The following TYK2 variants were observed in gnomAD, a reference collection of about 807,000 sequenced individuals.
TYK2 encodes the protein non-receptor tyrosine-protein kinase TYK2.
TYK2 carries 65 observed loss-of-function variants against 130.9 expected under a neutral mutation model. The ratio of observed to expected loss-of-function variants is 0.50; its 90% confidence interval spans 0.41 to 0.61. The LOEUF is 0.61. Among genes scored for constraint, TYK2 ranks in the 20% least tolerant of loss-of-function variants. TYK2 has a pLI of 0.00. For synonymous variants in TYK2, 647 were observed against 658.9 expected (o/e 0.98, Z 0.28); for missense variants, 1,378 against 1,610.7 (o/e 0.86, Z 2.47).
rs1437207948 is a variant in TYK2, at chr19:10,350,713, G to A, written c.*121C>T. 2 of 1,231,798 alleles carry A rather than the reference G, an allele frequency of 1.6e-6. No homozygotes were observed. Among genetic ancestry groups the A allele is most frequent in the Admixed American group, 2.1e-5 (1 of 47,082 alleles). 76.3% of individuals were successfully genotyped at this position (1,231,798 alleles called of 1,614,324 possible). On this transcript the variant is annotated 3_prime_UTR_variant, in exon 25 of 25. Coordinates refer to ENST00000525621, the MANE Select transcript of TYK2 (RefSeq NM_003331.5). ...AGGTGGGGTCTCTAGACAGGAGTAA[G>A]GCACACGGTGTGGGTGAGGCTGACA... is the stretch of plus-strand genomic sequence containing the variant.
intron 5 of TYK2, among the ~76,000 whole-genome samples, chr19:10,367,044 C>CA (rs780433495): frequency 0.057 from 7,021 of 122,910 alleles, 213 homozygotes; most frequent in Non-Finnish European, 0.084. Context: ...AACTCTGTCT[C>CA]AAAAAAAAAA....
Position 10,364,679 on chromosome 19 carries a change from C to T in TYK2, c.1302G>A (p.Leu434=). The T allele has an allele frequency of 3.7e-6, 6 of 1,613,968 alleles. No homozygotes were observed. Among genetic ancestry groups the T allele is most frequent in the East Asian group, 2.2e-5 (1 of 44,886 alleles). Residue 434 remains leucine (L), a synonymous_variant, in exon 9 of 25, where the codon CTG becomes CTA. Coordinates refer to ENST00000525621, the MANE Select transcript of TYK2 (RefSeq NM_003331.5). The surrounding 1 kb of genome is among the most constrained non-coding windows in gnomAD (Gnocchi z 4.9). ...GCCGTGGGGGAGCCACCTCGTGGCA[C>T]AGGTAGTGGCTGGAGTCGGCCGTCA... is the stretch of plus-strand genomic sequence containing the variant. ...FRLTADSSHY[L]CHEVAPPRLV...
intron 18 of TYK2, among the ~76,000 whole-genome samples, chr19:10,355,232 C>T (rs1441860465): frequency 6.6e-6 from 1 of 151,556 alleles, no homozygotes; most frequent in Non-Finnish European, 1.5e-5. Context: ...TCTCAGGCTG[C>T]AGTGAGCCAT....
intron 14 of TYK2, among the ~76,000 whole-genome samples, chr19:10,359,762 A>T (rs1389265868): frequency 1.3e-5 from 2 of 150,400 alleles, no homozygotes; most frequent in Non-Finnish European, 3.0e-5. Flanking sequence ...GGCGGATCAC[A>T]AGTTCAGGAG....
At chr19:10,356,527 G>A (rs370413463) in intron 18 of TYK2, 41 bp downstream of exon 18, 71 of 1,609,724 alleles carry the variant, frequency 4.4e-5, no homozygotes, top group East Asian at 6.7e-5. Context: ...TCCCAGCCCC[G>A]TCCCACTTCC....
intron 17 of TYK2, 161 bp downstream of exon 17, chr19:10,357,603 G>T: frequency 1.0e-6 from 1 of 959,160 alleles, no homozygotes. Flanking sequence ...AAAAAGGCTG[G>T]GACTACATTG....
In TYK2 at chr19:10,365,622, GT is replaced by G; in HGVS notation, c.905del (p.Asp302AlafsTer17). On this transcript the variant is annotated frameshift_variant, in exon 7 of 25. Coordinates refer to ENST00000525621, the MANE Select transcript of TYK2 (RefSeq NM_003331.5). LOFTEE classifies it high-confidence loss of function. ...GCCCAGCAGCAGACTCAGGGCCAGG[GT>G]CTGTAGGGGCCACCCCACTGTCCCG... ...YIRDSGVAPT[D>X]PGPESAAGPP... 15 of 1,613,984 alleles carry G rather than the reference GT, an allele frequency of 9.3e-6. No homozygotes were observed. The highest frequency in any genetic ancestry group is 1.3e-5 in the Non-Finnish European group (15 of 1,179,956).
intron 3 of TYK2, among the ~76,000 whole-genome samples, chr19:10,374,584 C>CAAAAA (rs1278364077): frequency 2.0e-5 from 1 of 50,122 alleles, no homozygotes; most frequent in Non-Finnish European, 3.8e-5. Context: ...GACTCCGTCT[C>CAAAAA]AAAAAAAAAA....
rs2145273488 is a variant in TYK2 at position 10,368,146 on chromosome 19, C to A, written c.374G>T (p.Cys125Phe). Residue 125 changes from cysteine (C) to phenylalanine (F), a missense_variant, in exon 5 of 25, where the codon TGT becomes TTT. Physicochemically the swap from Cys to Phe is radical, Grantham distance 205. Transcript: ENST00000525621. Reference protein sequence around the residue: ...MNPREPAVYRCGPPGTEASSD... With the variant: ...MNPREPAVYRFGPPGTEASSD... ...GGATGCCTCGGTTCCTGGGGGCCCACAACGGTACACAGCCGGTTCCCGAGG... is the reference window on the plus strand; with the variant it reads ...GGATGCCTCGGTTCCTGGGGGCCCAAAACGGTACACAGCCGGTTCCCGAGG... 6.2e-7 allele frequency: 1 copy of A among 1,614,078 alleles called. No homozygotes were observed. The highest frequency in any genetic ancestry group is 1.1e-5 in the South Asian group (1 of 91,074).
At chr19:10,352,201 A>C (rs1393436547) in intron 23 of TYK2, among the ~76,000 whole-genome samples, 2 of 151,710 alleles carry the variant, frequency 1.3e-5, no homozygotes, top group Non-Finnish European at 2.9e-5. Context: ...TCTCCTGAGT[A>C]GCTGGGACTA....
intron 11 of TYK2, 34 bp downstream of exon 11, chr19:10,362,230 C>T (rs2145219506): frequency 6.2e-7 from 1 of 1,613,354 alleles, no homozygotes; most frequent in Non-Finnish European, 8.5e-7. Context: ...GGAGAGATGC[C>T]ACATCCCACC....
intron 3 of TYK2, among the ~76,000 whole-genome samples, chr19:10,377,106 T>C (rs947035432): frequency 3.3e-5 from 5 of 152,048 alleles, no homozygotes; most frequent in African/African-American, 1.2e-4. Flanking sequence ...GGTCTCCCTA[T>C]GTTGCCCAGG....
chr19:10,362,611 G>A lies in TYK2; in HGVS notation c.1414C>T (p.Leu472Phe), dbSNP rs756660036. 3 of 1,552,976 alleles carry A rather than the reference G, an allele frequency of 1.9e-6. No individual in the cohort carries two copies. Among genetic ancestry groups the A allele is most frequent in the East Asian group, 2.4e-5 (1 of 41,068 alleles). ...AKLRPEDGLY[L>F]IHWSTSHPYR... ...GGGTGGCTGGTGCTCCAGTGAATGA[G>A]GTACAGGCCGTCCTCGGGCCGCAGC... The change falls in exon 10 of 25, where the codon CTC becomes TTC. Residue 472 changes from leucine (L) to phenylalanine (F), a missense_variant. Leu to Phe is a conservative substitution (Grantham distance 22). Transcript: ENST00000525621.
chr19:10,365,986 A>G (rs2041647341), intron 6 of TYK2, 88 bp from the exon 7 acceptor site: 13 of 1,379,970 alleles, frequency 9.4e-6, no homozygotes, highest in Non-Finnish European at 1.3e-5. Flanking sequence ...AACCTCTTTG[A>G]GCCTCAGCTG....
intron 23 of TYK2, 137 bp from the exon 24 acceptor site, chr19:10,351,299 C>T (rs1295189148): frequency 3.0e-6 from 2 of 658,654 alleles, no homozygotes; most frequent in South Asian, 1.5e-5. Context: ...CCAGCCTGGC[C>T]AACATGGTGA....
At chr19:10,375,201 G>A (rs1290332060) in intron 3 of TYK2, among the ~76,000 whole-genome samples, 1 of 151,974 alleles carries the variant, frequency 6.6e-6, no homozygotes, top group Non-Finnish European at 1.5e-5. Context: ...AGCCATCAAT[G>A]GGGAAGTAGG....
intron 17 of TYK2, 193 bp from the exon 18 acceptor site, chr19:10,356,911 A>G: frequency 1.4e-5 from 9 of 634,024 alleles, no homozygotes; most frequent in Non-Finnish European, 2.5e-5. Context: ...ACTGGGACCC[A>G]GGTCCAGTGA....
chr19:10,367,560 A>G lies in TYK2; in HGVS notation c.465+495T>C, dbSNP rs12720258. Among the ~76,000 whole-genome samples, 1,180 of 150,400 alleles carry G rather than the reference A, an allele frequency of 7.8e-3. 14 individuals carry two copies. Among genetic ancestry groups the G allele is most frequent in the African/African-American group, 0.027 (1,102 of 40,814 alleles). Reference sequence around the variant, plus strand: ...GAATCGCTTCAACCTGGGAGGTGGAAGTTGCAGTGAGCTGAGATCACGCCA... The same window carrying G: ...GAATCGCTTCAACCTGGGAGGTGGAGGTTGCAGTGAGCTGAGATCACGCCA... On this transcript the variant is annotated intron_variant, in intron 5 of 24. Transcript: ENST00000525621.
rs1015876091 is a variant in TYK2, at chr19:10,351,724, C to T, written c.3319-562G>A. ...TTGCCGTTATTATTAAGCCTCACAG[C>T]AGATTGTTCTTACCGTCCAGAATTT... On this transcript the variant is annotated intron_variant, in intron 23 of 24. Transcript: ENST00000525621. Among the ~76,000 whole-genome samples the T allele has an allele frequency of 7.2e-5, 11 of 152,104 alleles. No homozygotes were observed. The East Asian group carries it at 2.1e-3, about 29-fold the overall frequency.
Sources: allele counts gnomAD v4.1 joint callset (sites outside exome capture counted in the v4.1 genomes callset), GRCh38; gene constraint gnomAD v4.1.1; non-coding constraint Gnocchi (gnomAD v3.1); transcripts MANE v1.5; gene names NCBI Gene and HGNC (gene_info 2026-07-23, HGNC 2026-07-21).